Variants in BMAL1 observed in about 807,000 individuals in gnomAD.
The protein encoded by BMAL1 is basic helix-loop-helix ARNT like 1.
At chr11:13,372,433 G>C in the BMAL1 span, 1 of 1,609,760 alleles carries the variant, frequency 6.2e-7, no homozygotes, top group Non-Finnish European at 8.5e-7. Flanking sequence ...TACTACCCTT[G>C]AGCAATGATG....
chr11:13,350,908 A>G, the BMAL1 span, among the ~76,000 whole-genome samples: 1 of 152,254 alleles, frequency 6.6e-6, no homozygotes, highest in Admixed American at 6.5e-5. Context: ...ACAAAGAATT[A>G]ATATTCTTAG....
the BMAL1 span, among the ~76,000 whole-genome samples, chr11:13,302,576 G>A: frequency 6.6e-6 from 1 of 152,170 alleles, no homozygotes; most frequent in Admixed American, 6.5e-5. Context: ...GGCCCATGTG[G>A]GCTCTGTGTG....
chr11:13,322,977 T>G, the BMAL1 span, among the ~76,000 whole-genome samples: 1 of 151,154 alleles, frequency 6.6e-6, no homozygotes, highest in Non-Finnish European at 1.5e-5. Flanking sequence ...TTTAATTTTT[T>G]GTAGAGACAG....
the BMAL1 span, chr11:13,378,568 T>G: frequency 3.7e-6 from 5 of 1,361,888 alleles, no homozygotes; most frequent in Non-Finnish European, 5.1e-6. Flanking sequence ...GGGTGGGAGG[T>G]TGCTACTTAA....
chr11:13,299,082 A>G, the BMAL1 span, among the ~76,000 whole-genome samples: 4 of 152,144 alleles, frequency 2.6e-5, no homozygotes, highest in Non-Finnish European at 5.9e-5. Flanking sequence ...GACCCTTACA[A>G]GGGGGACTGG....
At chr11:13,321,562 T>C in the BMAL1 span, among the ~76,000 whole-genome samples, 1 of 152,128 alleles carries the variant, frequency 6.6e-6, no homozygotes, top group African/African-American at 2.4e-5. Context: ...CAGCAGATGT[T>C]TGTCTGAACA....
chr11:13,332,381 AC>A, the BMAL1 span, among the ~76,000 whole-genome samples: 2 of 152,206 alleles, frequency 1.3e-5, no homozygotes, highest in African/African-American at 4.8e-5. Context: ...AATCTTTGAT[AC>A]CTACAGCCAC....
At chr11:13,381,080 CCT>C in the BMAL1 span, 1 of 1,410,848 alleles carries the variant, frequency 7.1e-7, no homozygotes, top group Non-Finnish European at 1.0e-6. Flanking sequence ...ATCTTCATCC[CCT>C]TTCTCACCTT....
the BMAL1 span, chr11:13,386,761 T>C: frequency 6.2e-7 from 1 of 1,612,860 alleles, no homozygotes; most frequent in Non-Finnish European, 8.5e-7. Context: ...CTGTAAACAC[T>C]ACATGTTGCT....
At chr11:13,354,556 T>TA in the BMAL1 span, 1 of 1,442,108 alleles carries the variant, frequency 6.9e-7, no homozygotes, top group African/African-American at 1.4e-5. Flanking sequence ...GGGATGGGAA[T>TA]AAAAAACCCA....
chr11:13,381,573 GAA>G, the BMAL1 span, among the ~76,000 whole-genome samples: 2 of 152,156 alleles, frequency 1.3e-5, no homozygotes, highest in South Asian at 4.1e-4. Flanking sequence ...ACCTCACATA[GAA>G]AAGTTTCTCA....
At chr11:13,360,502 A>T in the BMAL1 span, 1 of 1,348,468 alleles carries the variant, frequency 7.4e-7, no homozygotes, top group Non-Finnish European at 1.0e-6. Flanking sequence ...TGGGAATTTG[A>T]TGTTTCAACA....
chr11:13,373,911 T>A, the BMAL1 span, among the ~76,000 whole-genome samples: 1 of 152,074 alleles, frequency 6.6e-6, no homozygotes, highest in Non-Finnish European at 1.5e-5. Context: ...CTTGATTAAA[T>A]TCAGATGCCT....
chr11:13,329,515 G>A, the BMAL1 span, among the ~76,000 whole-genome samples: 1 of 152,146 alleles, frequency 6.6e-6, no homozygotes, highest in Non-Finnish European at 1.5e-5. Flanking sequence ...ATGGTGGGAG[G>A]TGGGGGGTGA....
At chr11:13,332,668 C>T in the BMAL1 span, among the ~76,000 whole-genome samples, 1 of 152,232 alleles carries the variant, frequency 6.6e-6, no homozygotes, top group Non-Finnish European at 1.5e-5. Flanking sequence ...TCTCCTCTTT[C>T]TCTCTCTTAT....
the BMAL1 span, among the ~76,000 whole-genome samples, chr11:13,345,802 C>T: frequency 1.3e-5 from 2 of 152,276 alleles, no homozygotes; most frequent in African/African-American, 4.8e-5. Context: ...ATTGTAAATG[C>T]ATTGTTTCCT....
chr11:13,325,693 G>GTGTGTGTGTT, the BMAL1 span, among the ~76,000 whole-genome samples: 3 of 151,718 alleles, frequency 2.0e-5, no homozygotes, highest in African/African-American at 2.4e-5. Flanking sequence ...GTGTGTGTGT[G>GTGTGTGTGTT]TGGGCTTGAA....
chr11:13,382,682 G>T, the BMAL1 span, among the ~76,000 whole-genome samples: 2 of 152,168 alleles, frequency 1.3e-5, no homozygotes, highest in African/African-American at 4.8e-5. Flanking sequence ...TATTACCAAG[G>T]ATTCTACTTC....
chr11:13,298,717 A>C, the BMAL1 span, among the ~76,000 whole-genome samples: 2 of 152,184 alleles, frequency 1.3e-5, no homozygotes, highest in Admixed American at 6.5e-5. Flanking sequence ...GAAGCACCTA[A>C]TACATGGATG....
Sources: gnomAD v4.1 joint callset for allele counts (sites outside exome capture counted in the v4.1 genomes callset) on GRCh38, gnomAD v4.1.1 for gene constraint, MANE v1.5 for transcripts, NCBI Gene and HGNC (gene_info 2026-07-23, HGNC 2026-07-21) for gene names.